UST: variants seen among roughly 807,000 people sequenced by gnomAD.
UST encodes chondroitin sulfate 2-O-sulfotransferase.
In UST, 21 loss-of-function variants were observed where a neutral mutation model predicts 45.6. The observed-to-expected ratio is 0.46, with a 90% CI of 0.33 to 0.66. UST has a LOEUF of 0.66. UST is among the 30% of genes least tolerant of loss of function. UST has a pLI of 0.02. For missense variants in UST, 463 were observed against 512.4 expected (o/e 0.90, Z 0.93); for synonymous variants, 215 against 200.6 (o/e 1.07, Z -0.61).
At chr6:148,747,712 A>G in intron 1 of UST, 35 bp downstream of exon 1, 2 of 1,553,326 alleles carry the variant, frequency 1.3e-6, no homozygotes, top group Non-Finnish European at 1.7e-6. Flanking sequence ...GGCGGCGCCG[A>G]CAGCGCAAAG....
intron 4 of UST, among the ~76,000 whole-genome samples, chr6:148,961,368 T>C (rs548783854): frequency 1.3e-5 from 2 of 152,322 alleles, no homozygotes; most frequent in Admixed American, 1.3e-4. Context: ...CTCTAGTGTA[T>C]GCACTACTTA....
chr6:148,868,218 G>A (rs967703609), intron 1 of UST, among the ~76,000 whole-genome samples: 2 of 152,222 alleles, frequency 1.3e-5, no homozygotes, highest in Non-Finnish European at 2.9e-5. Context: ...GTTTTCTGCT[G>A]TTGGGGAAAA....
chr6:148,758,418 T>C (rs1776138242), intron 1 of UST, among the ~76,000 whole-genome samples: 1 of 151,770 alleles, frequency 6.6e-6, no homozygotes, highest in Admixed American at 6.6e-5. Context: ...ATTCACAAAA[T>C]AAAAATAGCT....
At chr6:149,020,854 A>C (rs1775967259) in intron 6 of UST, among the ~76,000 whole-genome samples, 1 of 152,214 alleles carries the variant, frequency 6.6e-6, no homozygotes, top group Admixed American at 6.5e-5. Context: ...ACTCTTCCAA[A>C]GAATAAGATG....
chr6:148,889,175 G>C (rs1778967198), intron 2 of UST, among the ~76,000 whole-genome samples: 1 of 152,204 alleles, frequency 6.6e-6, no homozygotes, highest in South Asian at 2.1e-4. Flanking sequence ...AGCTGAGCAT[G>C]TGCATTTCTC....
chr6:148,759,766 T>C (rs922617986), intron 1 of UST, among the ~76,000 whole-genome samples: 3 of 139,904 alleles, frequency 2.1e-5, no homozygotes, highest in Non-Finnish European at 4.5e-5. Flanking sequence ...GAGAATGGTG[T>C]GAACCCGGGA....
intron 2 of UST, among the ~76,000 whole-genome samples, chr6:148,912,821 G>T (rs1046485013): frequency 6.6e-6 from 1 of 152,182 alleles, no homozygotes; most frequent in Non-Finnish European, 1.5e-5. Flanking sequence ...TGCCAACAAG[G>T]TGGCTGTTTC....
At chr6:149,000,196 G>A (rs1006483408) in intron 5 of UST, among the ~76,000 whole-genome samples, 1 of 152,188 alleles carries the variant, frequency 6.6e-6, no homozygotes, top group Non-Finnish European at 1.5e-5. Flanking sequence ...GTTAAACGTA[G>A]CAACTGCTCA....
At chr6:149,036,572 A>G (rs549530896) in intron 7 of UST, among the ~76,000 whole-genome samples, 36 of 152,322 alleles carry the variant, frequency 2.4e-4, no homozygotes, top group Non-Finnish European at 4.9e-4. Context: ...GAATGTTCTA[A>G]CTACCTGAAC....
intron 1 of UST, among the ~76,000 whole-genome samples, chr6:148,857,403 A>C (rs773514150): frequency 6.6e-6 from 1 of 152,180 alleles, no homozygotes; most frequent in Admixed American, 6.5e-5. Flanking sequence ...TATTACGCCC[A>C]CCGTAAGTTC....
At chr6:148,792,271 AATAG>A (rs1381656681) in intron 1 of UST, among the ~76,000 whole-genome samples, 1 of 152,300 alleles carries the variant, frequency 6.6e-6, no homozygotes. Flanking sequence ...TGCAGACCAA[AATAG>A]ATTCAAGTTA....
At chr6:148,908,075 A>AT (rs1314090508) in intron 2 of UST, among the ~76,000 whole-genome samples, 1 of 151,802 alleles carries the variant, frequency 6.6e-6, no homozygotes, top group African/African-American at 2.4e-5. Flanking sequence ...TGCCCAGCTA[A>AT]TTTTTGTATT....
chr6:148,851,375 A>T (rs913472034), intron 1 of UST, among the ~76,000 whole-genome samples: 1 of 152,244 alleles, frequency 6.6e-6, no homozygotes, highest in African/African-American at 2.4e-5. Context: ...ATCACAAAAA[A>T]TTATAAAGAA....
At chr6:149,027,981 T>C (rs1247320651) in intron 7 of UST, among the ~76,000 whole-genome samples, 1 of 151,972 alleles carries the variant, frequency 6.6e-6, no homozygotes, top group Non-Finnish European at 1.5e-5. Flanking sequence ...GCAGCTGGGA[T>C]TACAGGCTCC....
At chr6:149,023,450 G>A (rs1308339457) in intron 7 of UST, among the ~76,000 whole-genome samples, 3 of 152,168 alleles carry the variant, frequency 2.0e-5, no homozygotes, top group African/African-American at 7.2e-5. Context: ...ACATGTTAAT[G>A]GCTGTCTCAT....
At chr6:148,844,188 CTTTT>C (rs1284945605) in intron 1 of UST, among the ~76,000 whole-genome samples, 3 of 152,114 alleles carry the variant, frequency 2.0e-5, no homozygotes, top group Non-Finnish European at 2.9e-5. Context: ...ATGAAAATAA[CTTTT>C]ATTTATTGTG....
chr6:148,968,513 C>G (rs1054096580), intron 5 of UST, among the ~76,000 whole-genome samples: 6 of 152,200 alleles, frequency 3.9e-5, no homozygotes, highest in African/African-American at 1.4e-4. Flanking sequence ...TCCTCTGAAC[C>G]CAGGCACACT....
chr6:148,812,215 C>T (rs76797773), intron 1 of UST, among the ~76,000 whole-genome samples: 1,763 of 152,162 alleles, frequency 0.012, 33 homozygotes, highest in African/African-American at 0.04. Flanking sequence ...TATCTGCACT[C>T]TGTTTTTTCA....
intron 1 of UST, among the ~76,000 whole-genome samples, chr6:148,782,253 G>GTTT (rs761479914): frequency 0.13 from 20,350 of 152,056 alleles, 1,603 homozygotes; most frequent in Middle Eastern, 0.17. Flanking sequence ...GTCATTCATG[G>GTTT]AAGAAGGTCA....
Sources: allele counts gnomAD v4.1 joint callset (sites outside exome capture counted in the v4.1 genomes callset), GRCh38; gene constraint gnomAD v4.1.1; transcripts MANE v1.5; gene names NCBI Gene and HGNC (gene_info 2026-07-23, HGNC 2026-07-21).